Variants in LRRTM4 observed in about 807,000 individuals in gnomAD.
LRRTM4 encodes the protein leucine rich repeat transmembrane neuronal 4.
In LRRTM4, 25 loss-of-function variants were observed where a neutral mutation model predicts 47.6. The ratio of observed to expected loss-of-function variants is 0.53; its 90% CI spans 0.38 to 0.73. The LOEUF (loss-of-function observed/expected upper bound fraction) is 0.73, where lower values mean the gene tolerates loss of function less well. LRRTM4 is among the 30% of genes least tolerant of loss of function. LRRTM4 has a pLI of 0.00. For missense variants in LRRTM4, 638 were observed against 713.4 expected (o/e 0.89, Z 1.20); for synonymous variants, 311 against 269.5 (o/e 1.15, Z -1.51).
intron 3 of LRRTM4, among the ~76,000 whole-genome samples, chr2:77,142,206 T>C (rs1376885220): frequency 6.6e-6 from 1 of 152,202 alleles, no homozygotes; most frequent in Non-Finnish European, 1.5e-5. Flanking sequence ...CTCCCTTGAA[T>C]GTATTAGAAC....
intron 3 of LRRTM4, among the ~76,000 whole-genome samples, chr2:76,895,085 GAC>G (rs1673369539): frequency 6.6e-6 from 1 of 151,840 alleles, no homozygotes; most frequent in African/African-American, 2.4e-5. Context: ...AAATTTAAAA[GAC>G]AATCTTAGTA....
intron 3 of LRRTM4, among the ~76,000 whole-genome samples, chr2:77,276,180 T>G (rs2104085128): frequency 6.6e-6 from 1 of 152,166 alleles, no homozygotes; most frequent in East Asian, 1.9e-4. Flanking sequence ...CAATAAATTA[T>G]AATTCTAACC....
At chr2:76,761,202 A>G (rs1422804588) in intron 3 of LRRTM4, among the ~76,000 whole-genome samples, 1 of 152,206 alleles carries the variant, frequency 6.6e-6, no homozygotes, top group African/African-American at 2.4e-5. Flanking sequence ...TGCTTGACTC[A>G]AAACAAAGCA....
chr2:76,784,059 A>G (rs1367321809), intron 3 of LRRTM4, among the ~76,000 whole-genome samples: 1 of 152,200 alleles, frequency 6.6e-6, no homozygotes, highest in South Asian at 2.1e-4. Context: ...ATTTTTGGAA[A>G]ATTATTTTTA....
intron 3 of LRRTM4, among the ~76,000 whole-genome samples, chr2:76,810,696 TA>T (rs1236621075): frequency 2.0e-5 from 3 of 152,192 alleles, no homozygotes; most frequent in Non-Finnish European, 2.9e-5. Flanking sequence ...CTTCCTTATT[TA>T]GTTTCTATTT....
chr2:76,804,901 T>C (rs11126572), intron 3 of LRRTM4, among the ~76,000 whole-genome samples: 23,898 of 151,648 alleles, frequency 0.16, 2,021 homozygotes, highest in African/African-American at 0.2. Flanking sequence ...TAGGTGAATA[T>C]AGAAAATCAT....
intron 3 of LRRTM4, among the ~76,000 whole-genome samples, chr2:77,022,043 G>C (rs368927761): frequency 2.0e-5 from 3 of 152,040 alleles, no homozygotes; most frequent in Non-Finnish European, 4.4e-5. Context: ...AGACATACCC[G>C]AGACTGGGAA....
intron 3 of LRRTM4, among the ~76,000 whole-genome samples, chr2:77,051,170 T>A (rs1679419811): frequency 6.6e-6 from 1 of 151,980 alleles, no homozygotes; most frequent in African/African-American, 2.4e-5. Flanking sequence ...TGGGCAAAGA[T>A]CAGGGGTGCT....
intron 3 of LRRTM4, among the ~76,000 whole-genome samples, chr2:77,449,798 A>G (rs1676187484): frequency 6.6e-6 from 1 of 152,218 alleles, no homozygotes; most frequent in Admixed American, 6.5e-5. Flanking sequence ...GGATCAATTT[A>G]TGCCAAAAGG....
chr2:76,867,546 G>T (rs535330609), intron 3 of LRRTM4, among the ~76,000 whole-genome samples: 1 of 152,292 alleles, frequency 6.6e-6, no homozygotes, highest in South Asian at 2.1e-4. Context: ...GATGTTAGAA[G>T]TTAGCTGCTA....
chr2:76,909,031 G>A (rs1004826541), intron 3 of LRRTM4, among the ~76,000 whole-genome samples: 120 of 152,120 alleles, frequency 7.9e-4, no homozygotes, highest in African/African-American at 2.6e-3. Flanking sequence ...AGCCCTCATC[G>A]CCAAGTCAAT....
chr2:77,357,636 A>G (rs1672017414), intron 3 of LRRTM4, among the ~76,000 whole-genome samples: 1 of 152,216 alleles, frequency 6.6e-6, no homozygotes, highest in African/African-American at 2.4e-5. Flanking sequence ...AGGCATTTAA[A>G]AGACATGGTG....
At chr2:77,254,864 A>C in intron 3 of LRRTM4, among the ~76,000 whole-genome samples, 1 of 151,554 alleles carries the variant, frequency 6.6e-6, no homozygotes, top group Admixed American at 6.6e-5. Flanking sequence ...TAGAAGTAAA[A>C]GCGAACAGAG....
At chr2:76,902,488 A>C (rs539193537) in intron 3 of LRRTM4, among the ~76,000 whole-genome samples, 12 of 152,308 alleles carry the variant, frequency 7.9e-5, no homozygotes, top group African/African-American at 2.9e-4. Flanking sequence ...TGAGGAAAAG[A>C]ACGTGAGCCA....
intron 3 of LRRTM4, among the ~76,000 whole-genome samples, chr2:77,222,523 A>G (rs970294796): frequency 5.9e-5 from 9 of 152,194 alleles, no homozygotes; most frequent in African/African-American, 2.2e-4. Context: ...GACAAAGAGG[A>G]TATCACCGCC....
chr2:76,810,110 G>C (rs2103816129), intron 3 of LRRTM4, among the ~76,000 whole-genome samples: 1 of 152,264 alleles, frequency 6.6e-6, no homozygotes, highest in East Asian at 1.9e-4. Flanking sequence ...AATGAAGACA[G>C]AGATATTTTC....
At chr2:77,223,941 G>C (rs557257798) in intron 3 of LRRTM4, among the ~76,000 whole-genome samples, 1 of 152,012 alleles carries the variant, frequency 6.6e-6, no homozygotes, top group Non-Finnish European at 1.5e-5. Flanking sequence ...GAGGCATCAC[G>C]CTACCTGACT....
chr2:77,259,370 GA>G (rs1461640997), intron 3 of LRRTM4, among the ~76,000 whole-genome samples: 1 of 152,018 alleles, frequency 6.6e-6, no homozygotes, highest in Non-Finnish European at 1.5e-5. Context: ...CTGAGTGCTT[GA>G]CAGATAGCAA....
intron 3 of LRRTM4, among the ~76,000 whole-genome samples, chr2:76,881,395 AATG>A (rs139839214): frequency 0.058 from 8,765 of 151,668 alleles, 565 homozygotes; most frequent in African/African-American, 0.15. Flanking sequence ...TTACATTCAT[AATG>A]ATAATATGTG....
Sources: gnomAD v4.1 joint callset for allele counts (sites outside exome capture counted in the v4.1 genomes callset) on GRCh38, gnomAD v4.1.1 for gene constraint, MANE v1.5 for transcripts, NCBI Gene and HGNC (gene_info 2026-07-23, HGNC 2026-07-21) for gene names.